The following CAPSL variants were observed in gnomAD, a reference collection of about 807,000 sequenced individuals.
CAPSL encodes the protein calcyphosin-like protein.
In CAPSL, 17 loss-of-function variants were observed where a neutral mutation model predicts 21.3. That is an observed-to-expected ratio of 0.80 (90% confidence interval 0.55 to 1.20). The LOEUF (loss-of-function observed/expected upper bound fraction) is 1.20. Among genes scored for constraint, CAPSL ranks in the 50% most tolerant of loss-of-function variants. The pLI is 0.00. For missense variants in CAPSL, 289 were observed against 259.3 expected, an observed-to-expected ratio of 1.11 and a Z score of -0.79; for synonymous variants, 102 against 89.3, an observed-to-expected ratio of 1.14 and a Z score of -0.80.
At chr5:35,935,593 C>G (rs1403565206) in intron 1 of CAPSL, among the ~76,000 whole-genome samples, 1 of 152,188 alleles carries the variant, frequency 6.6e-6, no homozygotes. Flanking sequence ...CCTTGGCCTT[C>G]CAAAATGCTG....
chr5:35,911,823 C>T (rs1346840217), intron 2 of CAPSL, among the ~76,000 whole-genome samples: 1 of 152,200 alleles, frequency 6.6e-6, no homozygotes, highest in African/African-American at 2.4e-5. Context: ...GTGATTTCTG[C>T]ATTTCCAACT....
chr5:35,915,943 T>C (rs903233881), intron 2 of CAPSL, among the ~76,000 whole-genome samples: 8 of 152,206 alleles, frequency 5.3e-5, no homozygotes, highest in Non-Finnish European at 8.8e-5. Flanking sequence ...GCAGATGACA[T>C]GATTGTATAT....
rs1738520559 is a variant in CAPSL at position 35,920,977 on chromosome 5, G to A, written c.137+7C>T. ...TCCATTCCCTGCCACTTGTAGCTGG[G>A]TCCTACCTGCCAAGTCCTTTGATCC... On this transcript the variant is annotated splice_region_variant and intron_variant, in intron 2 of 4. Transcript: ENST00000651391. The A allele has an allele frequency of 1.2e-6, 2 of 1,613,308 alleles. No individual in the cohort carries two copies.
At chr5:35,916,625 A>G (rs1738394121) in intron 2 of CAPSL, among the ~76,000 whole-genome samples, 1 of 152,240 alleles carries the variant, frequency 6.6e-6, no homozygotes, top group African/African-American at 2.4e-5. Context: ...AGGATTGCCT[A>G]TTTAATAAAT....
At chr5:35,920,313 C>G (rs1435553538) in intron 2 of CAPSL, among the ~76,000 whole-genome samples, 6 of 152,190 alleles carry the variant, frequency 3.9e-5, no homozygotes, top group Non-Finnish European at 8.8e-5. Context: ...GCTTAAGAAG[C>G]CTTGTTCACC....
At chr5:35,923,921 C>A (rs1180431370) in intron 1 of CAPSL, among the ~76,000 whole-genome samples, 1 of 152,058 alleles carries the variant, frequency 6.6e-6, no homozygotes, top group Non-Finnish European at 1.5e-5. Context: ...AAAACCCATG[C>A]ACAGATGTTA....
rs145580417 is a variant in CAPSL, at chr5:35,925,576, C to A, written c.1-4456G>T. ...GTGGGTAAAGATGAAACTGACCAGG[C>A]GGGCAGCCATCAGATCCCAAAGAGC... On this transcript the variant is annotated intron_variant, in intron 1 of 4. Transcript: ENST00000651391. 4.2e-3 allele frequency among the ~76,000 whole-genome samples: 646 copies of A among 152,058 alleles called. 1 individual carries two copies. Among genetic ancestry groups the A allele is most frequent in the Non-Finnish European group, 6.6e-3 (450 of 67,962 alleles).
rs996581307 is a variant in CAPSL at position 35,912,240 on chromosome 5, A to G, written c.138-1697T>C. 2.0e-5 allele frequency among the ~76,000 whole-genome samples: 3 copies of G among 152,346 alleles called. No individual in the cohort carries two copies. In the East Asian group the frequency reaches 5.8e-4, roughly 29 times the overall value. ...GCTCAAACTGGGTGGAGCTCACTGC[A>G]GCTCAAGGAGGCCTGCCTGCCTCTG... On this transcript the variant is annotated intron_variant, in intron 2 of 4. Coordinates refer to ENST00000651391, the MANE Select transcript of CAPSL (RefSeq NM_001042625.2).
intron 1 of CAPSL, among the ~76,000 whole-genome samples, chr5:35,931,871 G>A (rs1335708068): frequency 6.6e-6 from 1 of 152,152 alleles, no homozygotes; most frequent in Non-Finnish European, 1.5e-5. Context: ...CATGACCTCA[G>A]ACAATTGTTT....
In CAPSL at chr5:35,923,903, A is replaced by G. The variant is rs1169327330; in HGVS notation, c.1-2783T>C. ...AATTTATGTTATGTGTATTCATCTCAATAAAATAAAACCCATGCACAGATG... is the reference window on the plus strand; with the variant it reads ...AATTTATGTTATGTGTATTCATCTCGATAAAATAAAACCCATGCACAGATG... On this transcript the variant is annotated intron_variant, in intron 1 of 4. Transcript: ENST00000651391. Among the ~76,000 whole-genome samples the G allele has an allele frequency of 4.6e-5, 7 of 152,348 alleles. No homozygotes were observed. The East Asian group carries it at 1.3e-3, about 29-fold the overall frequency.
chr5:35,919,902 C>T (rs1248735250), intron 2 of CAPSL, among the ~76,000 whole-genome samples: 1 of 152,130 alleles, frequency 6.6e-6, no homozygotes, highest in Admixed American at 6.5e-5. Context: ...GGAGGGATTC[C>T]ACTGAGTGAA....
chr5:35,915,351 T>C (rs979068901), intron 2 of CAPSL, among the ~76,000 whole-genome samples: 3 of 152,086 alleles, frequency 2.0e-5, no homozygotes, highest in African/African-American at 4.8e-5. Flanking sequence ...TCCTCCCTAA[T>C]TTATTTTAGG....
intron 1 of CAPSL, among the ~76,000 whole-genome samples, chr5:35,927,902 C>T (rs1359653355): frequency 6.6e-6 from 1 of 152,090 alleles, no homozygotes; most frequent in Non-Finnish European, 1.5e-5. Context: ...TGGAAAATGC[C>T]CTTCTAAAAT....
intron 2 of CAPSL, among the ~76,000 whole-genome samples, chr5:35,918,414 T>C (rs1738447555): frequency 6.6e-6 from 1 of 152,092 alleles, no homozygotes. Flanking sequence ...ACAATGAGAT[T>C]ACGTGGACAC....
At chr5:35,920,429 C>A (rs1738506893) in intron 2 of CAPSL, among the ~76,000 whole-genome samples, 1 of 152,154 alleles carries the variant, frequency 6.6e-6, no homozygotes. Context: ...TCTCCTTTCC[C>A]TTTTGGTTTC....
At chr5:35,905,424 G>T (rs1760653306) in intron 4 of CAPSL, among the ~76,000 whole-genome samples, 1 of 152,132 alleles carries the variant, frequency 6.6e-6, no homozygotes, top group African/African-American at 2.4e-5. Context: ...AATCATAAGA[G>T]ATGACTGACC....
chr5:35,925,555 G>A (rs1394799361), intron 1 of CAPSL, among the ~76,000 whole-genome samples: 2 of 152,054 alleles, frequency 1.3e-5, no homozygotes, highest in South Asian at 2.1e-4. Flanking sequence ...GGAATTGTGG[G>A]TAAAGATGAA....
At chr5:35,935,603 G>A (rs1738925444) in intron 1 of CAPSL, among the ~76,000 whole-genome samples, 1 of 152,124 alleles carries the variant, frequency 6.6e-6, no homozygotes. Flanking sequence ...CCAAAATGCT[G>A]AGATTACAGA....
chr5:35,919,547 G>A (rs1480606238), intron 2 of CAPSL, among the ~76,000 whole-genome samples: 1 of 152,140 alleles, frequency 6.6e-6, no homozygotes, highest in East Asian at 1.9e-4. Context: ...TTGTGCAGGG[G>A]GGATGATGGC....
Sources: gnomAD v4.1 joint callset for allele counts (sites outside exome capture counted in the v4.1 genomes callset) on GRCh38, gnomAD v4.1.1 for gene constraint, MANE v1.5 for transcripts, NCBI Gene and HGNC (gene_info 2026-07-23, HGNC 2026-07-21) for gene names.